The following SCAF8 variants were observed in gnomAD, a reference collection of about 807,000 sequenced individuals.
SCAF8 encodes the protein SR-related and CTD-associated factor 8.
SCAF8 carries 23 observed loss-of-function variants against 140.5 expected under a neutral mutation model. The ratio of observed to expected loss-of-function variants is 0.16; its 90% CI spans 0.12 to 0.23. SCAF8 has a LOEUF of 0.23. SCAF8 is among the 10% of genes least tolerant of loss of function. The pLI, the probability that SCAF8 is intolerant of heterozygous loss-of-function variation, is 1.00. For synonymous variants in SCAF8, 575 were observed against 528.9 expected (o/e 1.09, Z -1.20); for missense variants, 1,397 against 1,555.7 (o/e 0.90, Z 1.72).
At chr6:154,752,266 C>T (rs534604453) in intron 1 of SCAF8, among the ~76,000 whole-genome samples, 7 of 152,188 alleles carry the variant, frequency 4.6e-5, no homozygotes, top group East Asian at 1.9e-4. Flanking sequence ...TTATCATTTA[C>T]AAAATGAGAT....
At chr6:154,756,940 C>G (rs545204695) in intron 1 of SCAF8, among the ~76,000 whole-genome samples, 2 of 152,248 alleles carry the variant, frequency 1.3e-5, no homozygotes, top group East Asian at 3.9e-4. Context: ...AGGTGGATCG[C>G]TTGAGCCTGG....
chr6:154,798,413 A>G (rs1312972869), intron 6 of SCAF8, among the ~76,000 whole-genome samples: 3 of 151,444 alleles, frequency 2.0e-5, no homozygotes. Flanking sequence ...TCTTTCAAAC[A>G]AAACCTGCTC....
chr6:154,814,101 T>C (rs141117901), intron 12 of SCAF8, among the ~76,000 whole-genome samples: 1 of 152,346 alleles, frequency 6.6e-6, no homozygotes, highest in African/African-American at 2.4e-5. Context: ...ACTTTGAAAT[T>C]ACTTGAGACC....
chr6:154,753,995 G>A (rs1391945386), intron 1 of SCAF8, among the ~76,000 whole-genome samples: 1 of 152,152 alleles, frequency 6.6e-6, no homozygotes, highest in Admixed American at 6.5e-5. Context: ...GAGCCACTGT[G>A]CCTGGTCTCC....
chr6:154,800,276 A>G (rs1044050999), intron 6 of SCAF8, among the ~76,000 whole-genome samples: 27 of 151,472 alleles, frequency 1.8e-4, no homozygotes, highest in African/African-American at 6.5e-4. Context: ...GGTTGTTGAC[A>G]GCTGCCTGTC....
At chr6:154,753,823 A>G (rs1778900021) in intron 1 of SCAF8, among the ~76,000 whole-genome samples, 1 of 152,114 alleles carries the variant, frequency 6.6e-6, no homozygotes, top group African/African-American at 2.4e-5. Context: ...TTTTTTTCAC[A>G]GTGAGCATTT....
chr6:154,750,045 G>T (rs760447308), intron 1 of SCAF8, among the ~76,000 whole-genome samples: 11 of 151,564 alleles, frequency 7.3e-5, no homozygotes, highest in Non-Finnish European at 1.3e-4. Context: ...TGATTTAAGA[G>T]TATGGTACCA....
At chr6:154,815,458 T>C (rs1186205291) in intron 12 of SCAF8, among the ~76,000 whole-genome samples, 3 of 152,186 alleles carry the variant, frequency 2.0e-5, no homozygotes, top group South Asian at 2.1e-4. Flanking sequence ...GACCCTGGCA[T>C]CCACAGATGG....
At chr6:154,735,133 A>AAAAAAG (rs1464622019) in intron 1 of SCAF8, among the ~76,000 whole-genome samples, 1 of 152,008 alleles carries the variant, frequency 6.6e-6, no homozygotes, top group Non-Finnish European at 1.5e-5. Context: ...ACAAAAAAAA[A>AAAAAAG]AAAAAGAAAA....
At chr6:154,751,589 C>A (rs142617142) in intron 1 of SCAF8, among the ~76,000 whole-genome samples, 11 of 152,254 alleles carry the variant, frequency 7.2e-5, no homozygotes, top group African/African-American at 2.6e-4. Flanking sequence ...GATGAGGAAT[C>A]AAGATTCAGA....
rs1019343537 is a variant in SCAF8 at position 154,805,471 on chromosome 6, G to A, written c.966G>A (p.Gln322=). The part of the protein sequence containing the change: ...LEHLRQQLLE[Q]QQPQKATPQD... ...ATCTCAGACAGCAGCTCTTGGAGCA[G>A]CAACAGCCTCAAAAGGTTTATAACC... The change falls in exon 9 of 20, where the codon CAG becomes CAA. Residue 322 remains glutamine (Q), a synonymous_variant. Coordinates refer to ENST00000367178, the MANE Select transcript of SCAF8 (RefSeq NM_014892.5). 4 of 1,600,386 alleles carry A rather than the reference G, an allele frequency of 2.5e-6. No homozygotes were observed. In the African/African-American group the frequency reaches 5.4e-5, roughly 21 times the overall value.
At position 154,733,470 on chromosome 6, in the gene SCAF8, CG is replaced by C. The variant is rs1183909529; in HGVS notation, c.-427del. 3 of 1,364,174 alleles carry C rather than the reference CG, an allele frequency of 2.2e-6. No homozygotes were observed. Among genetic ancestry groups the C allele is most frequent in the Admixed American group, 3.6e-5 (1 of 28,162 alleles). The allele number at this position is 1,364,174 out of a possible 1,614,324, so 84.5% of individuals were successfully genotyped here. On this transcript the variant is annotated 5_prime_UTR_variant, in exon 1 of 20. The change creates a premature stop within an existing upstream ORF in the 5' untranslated region. Transcript: ENST00000367178. ...CGCTTCCTCCTCTGTCTTCGCCGAG[CG>C]GGGCTGGTTCCTGCGGCCCGAGCGG...
chr6:154,794,060 T>C (rs1246784981), intron 5 of SCAF8, among the ~76,000 whole-genome samples: 2 of 151,954 alleles, frequency 1.3e-5, no homozygotes, highest in African/African-American at 4.8e-5. Context: ...TAGGTGGGAC[T>C]ACAGGCATGC....
chr6:154,759,119 T>C (rs1191237095), intron 1 of SCAF8, among the ~76,000 whole-genome samples: 1 of 152,240 alleles, frequency 6.6e-6, no homozygotes, highest in Non-Finnish European at 1.5e-5. Flanking sequence ...TGCTGTTTTT[T>C]GCTTCCGGAT....
At chr6:154,806,565 T>A (rs1032743218) in intron 9 of SCAF8, among the ~76,000 whole-genome samples, 2 of 152,130 alleles carry the variant, frequency 1.3e-5, no homozygotes, top group Admixed American at 6.5e-5. Flanking sequence ...AATTCTTTAT[T>A]TTTGTCATAG....
intron 3 of SCAF8, among the ~76,000 whole-genome samples, chr6:154,779,457 A>G (rs1025251924): frequency 6.6e-6 from 1 of 152,188 alleles, no homozygotes; most frequent in Non-Finnish European, 1.5e-5. Flanking sequence ...GAGATTCTGC[A>G]TTTGTAACAG....
intron 1 of SCAF8, among the ~76,000 whole-genome samples, chr6:154,769,568 A>T (rs150438161): frequency 1.3e-5 from 2 of 152,316 alleles, no homozygotes; most frequent in East Asian, 3.9e-4. Flanking sequence ...AAAGCTTTTT[A>T]TTTTGATAAT....
intron 4 of SCAF8, among the ~76,000 whole-genome samples, chr6:154,790,065 C>G (rs549174123): frequency 4.0e-5 from 6 of 151,026 alleles, no homozygotes; most frequent in Non-Finnish European, 8.9e-5. Flanking sequence ...ATATCTCATA[C>G]TAGGGCTTAT....
intron 6 of SCAF8, among the ~76,000 whole-genome samples, chr6:154,796,789 G>A (rs1284096745): frequency 2.6e-5 from 4 of 152,016 alleles, no homozygotes; most frequent in African/African-American, 9.7e-5. Flanking sequence ...CCGGGCCAAC[G>A]TGGTGAAACC....
Sources: gnomAD v4.1 joint callset for allele counts (sites outside exome capture counted in the v4.1 genomes callset) on GRCh38, gnomAD v4.1.1 for gene constraint, MANE v1.5 for transcripts, NCBI Gene and HGNC (gene_info 2026-07-23, HGNC 2026-07-21) for gene names.